Variants in NDUFB6 observed in about 807,000 individuals in gnomAD.
NDUFB6 encodes NADH dehydrogenase [ubiquinone] 1 beta subcomplex subunit 6.
A neutral mutation model predicts 17.5 loss-of-function variants in NDUFB6; 23 were observed. That is an observed-to-expected ratio of 1.31 (90% confidence interval 0.94 to 1.86). NDUFB6 has a LOEUF of 1.86. NDUFB6 is among the 40% of genes most tolerant of loss of function. NDUFB6 has a pLI of 0.00. For missense variants in NDUFB6, 167 were observed against 153.8 expected, an observed-to-expected ratio of 1.09 and a Z score of -0.46; for synonymous variants, 60 against 53.5, an observed-to-expected ratio of 1.12 and a Z score of -0.53.
Position 32,573,028 on chromosome 9 carries a change from C to A in NDUFB6, c.33G>T (p.Arg11=). ...TTCTCAGCTCTCGCAGCTGCTGCAGCCGCAGTTTCTCATCCGGAGTGTACC... is the reference window on the plus strand; with the variant it reads ...TTCTCAGCTCTCGCAGCTGCTGCAGACGCAGTTTCTCATCCGGAGTGTACC... The part of the protein sequence containing the change: MTGYTPDEKL[R]LQQLRELRRR... Residue 11 remains arginine, a synonymous_variant, in exon 1 of 4, where the codon CGG becomes CGT. Transcript: ENST00000379847. The A allele has an allele frequency of 1.3e-6, 2 of 1,599,734 alleles. No individual in the cohort carries two copies. Among genetic ancestry groups the A allele is most frequent in the Non-Finnish European group, 1.7e-6 (2 of 1,172,442 alleles).
chr9:32,553,909 T>C lies in NDUFB6; in HGVS notation c.354A>G (p.Pro118=), dbSNP rs910203911. 1.4e-5 allele frequency: 23 copies of C among 1,599,472 alleles called. No homozygotes were observed. The highest frequency in any genetic ancestry group is 1.9e-5 in the Non-Finnish European group (22 of 1,167,752). The part of the protein sequence containing the change: ...DTILETGEVI[P]PMKEFPDQHH ...GTTGATCAGGAAATTCTTTCATTGG[T>C]GGAATTACTTCTCCAGTCTCCAGAA... The change falls in exon 4 of 4, where the codon CCA becomes CCG. Residue 118 remains proline, a synonymous_variant. Transcript: ENST00000379847.
At chr9:32,563,038 C>T (rs999941980) in intron 2 of NDUFB6, among the ~76,000 whole-genome samples, 2 of 152,188 alleles carry the variant, frequency 1.3e-5, no homozygotes, top group African/African-American at 4.8e-5. Context: ...TGAGGGAGAA[C>T]AGCCCCTCAG....
In NDUFB6 at chr9:32,564,283, G is replaced by T. The variant is rs189340631; in HGVS notation, c.274-5329C>A. 4.6e-5 allele frequency among the ~76,000 whole-genome samples: 7 copies of T among 151,556 alleles called. 1 individual carries two copies. The East Asian group carries it at 1.4e-3, about 30-fold the overall frequency. ...TTCACATAGGTAACTCCCTTTTCCGGCAGTGAGAATCCTGTGTCCCTTTAT... is the reference window on the plus strand; with the variant it reads ...TTCACATAGGTAACTCCCTTTTCCGTCAGTGAGAATCCTGTGTCCCTTTAT... On this transcript the variant is annotated intron_variant, in intron 2 of 3. Coordinates refer to ENST00000379847, the MANE Select transcript of NDUFB6 (RefSeq NM_002493.5).
chr9:32,558,234 C>G lies in NDUFB6; in HGVS notation c.318+676G>C, dbSNP rs553873152. ...TCACGCCATTCTCCTGCCTCAGCCTCTCGAGTAGCTGGGACTACAGGCGCC... is the reference window on the plus strand; with the variant it reads ...TCACGCCATTCTCCTGCCTCAGCCTGTCGAGTAGCTGGGACTACAGGCGCC... On this transcript the variant is annotated intron_variant, in intron 3 of 3. Coordinates refer to ENST00000379847, the MANE Select transcript of NDUFB6 (RefSeq NM_002493.5). Among the ~76,000 whole-genome samples, 3 of 152,030 alleles carry G rather than the reference C, an allele frequency of 2.0e-5. No homozygotes were observed. In the East Asian group the frequency reaches 5.8e-4, roughly 29 times the overall value.
chr9:32,563,028 TGAGG>T (rs1456930839), intron 2 of NDUFB6, among the ~76,000 whole-genome samples: 1 of 152,264 alleles, frequency 6.6e-6, no homozygotes, highest in African/African-American at 2.4e-5. Context: ...ATGCCAATAA[TGAGG>T]GAGAACAGCC....
Position 32,572,924 on chromosome 9 carries a change from A to T in NDUFB6, c.137T>A (p.Phe46Tyr). ...PPQKMGPMEK[F>Y]WNKFLENKSP... ...TTTATTCTCCAAAAATTTATTCCAG[A>T]ATTTCTCCATAGGCCCCATCTTCTG... The change falls in exon 1 of 4, where the codon TTC becomes TAC. Residue 46 changes from phenylalanine (F) to tyrosine (Y), a missense_variant. By Grantham distance (22) the Phe-to-Tyr change is conservative (BLOSUM62 3). Transcript: ENST00000379847. The T allele has an allele frequency of 3.1e-6, 5 of 1,605,102 alleles. No homozygotes were observed. Among genetic ancestry groups the T allele is most frequent in the Non-Finnish European group, 4.3e-6 (5 of 1,175,772 alleles).
At chr9:32,564,626 C>T (rs1033058517) in intron 2 of NDUFB6, among the ~76,000 whole-genome samples, 2 of 151,994 alleles carry the variant, frequency 1.3e-5, no homozygotes, top group African/African-American at 2.4e-5. Flanking sequence ...CCAGTCCCAC[C>T]CCCATGTCCC....
rs551033275 is a variant in NDUFB6 at position 32,564,778 on chromosome 9, G to C, written c.274-5824C>G. ...GAGCAGGAGCAGGGTTCAGCTGCCA[G>C]TGCACTGAACAGCTTCCAGTTTCTA... On this transcript the variant is annotated intron_variant, in intron 2 of 3. Coordinates refer to ENST00000379847, the MANE Select transcript of NDUFB6 (RefSeq NM_002493.5). 5.3e-5 allele frequency among the ~76,000 whole-genome samples: 8 copies of C among 152,298 alleles called. No homozygotes were observed. In the South Asian group the frequency reaches 1.4e-3, roughly 28 times the overall value.
chr9:32,560,546 T>C (rs377433097), intron 2 of NDUFB6, among the ~76,000 whole-genome samples: 1 of 152,242 alleles, frequency 6.6e-6, no homozygotes, highest in Non-Finnish European at 1.5e-5. Context: ...TAAGATAATC[T>C]GGCTAACAGA....
intron 3 of NDUFB6, among the ~76,000 whole-genome samples, chr9:32,558,675 C>T (rs981686523): frequency 6.6e-6 from 1 of 152,172 alleles, no homozygotes; most frequent in African/African-American, 2.4e-5. Flanking sequence ...ACACGTTTTA[C>T]AGCCAGGTTG....
intron 2 of NDUFB6, among the ~76,000 whole-genome samples, chr9:32,569,158 A>T (rs1405895989): frequency 6.6e-6 from 1 of 152,194 alleles, no homozygotes; most frequent in Non-Finnish European, 1.5e-5. Context: ...TAGCAAAAAG[A>T]TCATACATAG....
At chr9:32,563,490 G>GTTTTTTTTTTTTTTTTTTTTTT (rs1239149080) in intron 2 of NDUFB6, among the ~76,000 whole-genome samples, 1 of 47,560 alleles carries the variant, frequency 2.1e-5, no homozygotes, top group African/African-American at 9.0e-5. Flanking sequence ...GGACTATTGG[G>GTTTTTTTTTTTTTTTTTTTTTT]CTTTTTTTTT....
chr9:32,564,882 A>G (rs1563995608), intron 2 of NDUFB6, among the ~76,000 whole-genome samples: 1 of 152,242 alleles, frequency 6.6e-6, no homozygotes, highest in East Asian at 1.9e-4. Context: ...TTGAATCATG[A>G]AATTAACGAT....
chr9:32,562,152 T>C (rs1039387775), intron 2 of NDUFB6, among the ~76,000 whole-genome samples: 1 of 152,194 alleles, frequency 6.6e-6, no homozygotes, highest in Non-Finnish European at 1.5e-5. Context: ...ACTGACTCCA[T>C]ATGTTTGCTT....
chr9:32,563,390 G>T (rs1348850611), intron 2 of NDUFB6, among the ~76,000 whole-genome samples: 5 of 151,498 alleles, frequency 3.3e-5, no homozygotes, highest in African/African-American at 1.2e-4. Flanking sequence ...CAGGATGGCT[G>T]GAGTACAGTG....
chr9:32,553,684 C>CGAGA lies in NDUFB6; in HGVS notation c.*191_*192insTCTC. ...TGACCAGAAAAAGTAGGTAGTCTCT[C>CGAGA]ATATTTGTTTAGCATGTCCACTTTT... On this transcript the variant is annotated 3_prime_UTR_variant, in exon 4 of 4. Transcript: ENST00000379847. 1 of 537,244 alleles carries CGAGA rather than the reference C, an allele frequency of 1.9e-6. No individual in the cohort carries two copies. Among genetic ancestry groups the CGAGA allele is most frequent in the Non-Finnish European group, 3.3e-6 (1 of 301,202 alleles). The allele number at this position is 537,244 out of a possible 1,614,324, so 33.3% of individuals were successfully genotyped here. A position where few individuals can be genotyped will look rare whatever the true frequency, so the allele number is the denominator to read the frequency against.
At chr9:32,571,890 C>T (rs550669770) in intron 1 of NDUFB6, among the ~76,000 whole-genome samples, 19 of 152,296 alleles carry the variant, frequency 1.2e-4, no homozygotes, top group Non-Finnish European at 1.8e-4. Context: ...TCCAATATCA[C>T]TTTCTCAGAA....
In NDUFB6 at chr9:32,553,110, A is replaced by G. The variant is rs572308559; in HGVS notation, c.*766T>C. The G allele has an allele frequency of 2.0e-6, 1 of 490,506 alleles. No individual in the cohort carries two copies. The highest frequency in any genetic ancestry group is 3.8e-5 in the Admixed American group (1 of 26,658). 30.4% of individuals were successfully genotyped at this position (490,506 alleles called of 1,614,324 possible). A position where few individuals can be genotyped will look rare whatever the true frequency, so the allele number is the denominator to read the frequency against. On this transcript the variant is annotated 3_prime_UTR_variant, in exon 4 of 4. Transcript: ENST00000379847. ...CATTCTCATGACAAAATTAACAGCA[A>G]CCTAAATCTGACAGTCTTGAGTGTC...
At chr9:32,555,128 T>G (rs147058026) in intron 3 of NDUFB6, among the ~76,000 whole-genome samples, 2 of 152,102 alleles carry the variant, frequency 1.3e-5, no homozygotes, top group East Asian at 1.9e-4. Flanking sequence ...ATCTAAAAAT[T>G]TGGGCCAGTC....
Sources: gnomAD v4.1 joint callset for allele counts (sites outside exome capture counted in the v4.1 genomes callset) on GRCh38, gnomAD v4.1.1 for gene constraint, MANE v1.5 for transcripts, NCBI Gene and HGNC (gene_info 2026-07-23, HGNC 2026-07-21) for gene names.